Variants in CAMSAP1 observed in about 807,000 individuals in gnomAD.
The protein encoded by CAMSAP1 is calmodulin regulated spectrin associated protein 1.
Under a neutral mutation model 143.5 loss-of-function variants are expected in CAMSAP1, and 58 were observed. That is an observed-to-expected ratio of 0.40 (90% CI 0.33 to 0.50). The LOEUF is 0.50. Among genes scored for constraint, CAMSAP1 ranks in the 20% least tolerant of loss-of-function variants. CAMSAP1 has a pLI of 0.45. For missense variants in CAMSAP1, 1,969 were observed against 2,115.7 expected (o/e 0.93, Z 1.36); for synonymous variants, 945 against 859.3 (o/e 1.10, Z -1.74).
intron 11 of CAMSAP1, among the ~76,000 whole-genome samples, chr9:135,819,845 CAA>C (rs1188572835): frequency 1.1e-4 from 13 of 114,600 alleles, no homozygotes; most frequent in African/African-American, 2.6e-4. Flanking sequence ...AGACTCTGTC[CAA>C]AAAAAAAAAA....
At chr9:135,856,179 G>A (rs1345665709) in intron 5 of CAMSAP1, among the ~76,000 whole-genome samples, 2 of 152,192 alleles carry the variant, frequency 1.3e-5, no homozygotes, top group African/African-American at 4.8e-5. Flanking sequence ...ACCTGAGACT[G>A]GGCAATTTAC....
chr9:135,814,363 A>T (rs994083901), intron 16 of CAMSAP1, among the ~76,000 whole-genome samples: 1 of 152,214 alleles, frequency 6.6e-6, no homozygotes, highest in African/African-American at 2.4e-5. Context: ...ATTGTTGCAT[A>T]ATTTTCATTC....
At chr9:135,870,338 T>C (rs1837528571) in intron 3 of CAMSAP1, among the ~76,000 whole-genome samples, 1 of 152,192 alleles carries the variant, frequency 6.6e-6, no homozygotes, top group Admixed American at 6.6e-5. Context: ...ATGTAAGACG[T>C]GCCTCTTCCC....
At chr9:135,864,229 A>G (rs1837296242) in intron 4 of CAMSAP1, among the ~76,000 whole-genome samples, 2 of 152,264 alleles carry the variant, frequency 1.3e-5, no homozygotes, top group Admixed American at 1.3e-4. Context: ...CCTGCAGGAC[A>G]GACGAAGTCT....
chr9:135,815,914 G>A lies in CAMSAP1; in HGVS notation c.4363C>T (p.Leu1455=), dbSNP rs1369555965. Residue 1455 remains leucine, a synonymous_variant, in exon 15 of 17, where the codon CTG becomes TTG. Coordinates refer to ENST00000389532, the MANE Select transcript of CAMSAP1 (RefSeq NM_015447.4). ...DWETASAASS[L]ASVAEYTGPK... is the part of the protein sequence containing the mutation. ...CCTGTGTACTCGGCCACTGAGGCCA[G>A]GGAAGATGCCGCCGACGCGGTCTCC... 1.9e-6 allele frequency: 3 copies of A among 1,613,790 alleles called. No homozygotes were observed. The highest frequency in any genetic ancestry group is 8.5e-7 in the Non-Finnish European group (1 of 1,179,902).
At position 135,907,128 on chromosome 9, in the gene CAMSAP1, TCGG is replaced by T; in HGVS notation, c.29_31del (p.Ala10del). 2.7e-6 allele frequency: 3 copies of T among 1,118,268 alleles called. No individual in the cohort carries two copies. Among genetic ancestry groups the T allele is most frequent in the Non-Finnish European group, 3.3e-6 (3 of 912,598 alleles). The allele number at this position is 1,118,268 out of a possible 1,614,324, so 69.3% of individuals were successfully genotyped here. ...CGGGGCCTCCATCTTCCTCCAGCCC[TCGG>T]CGGCGGCGCGGCCGCTCGCGTCCAC... On this transcript the variant is annotated inframe_deletion, in exon 1 of 17. Coordinates refer to ENST00000389532, the MANE Select transcript of CAMSAP1 (RefSeq NM_015447.4).
Position 135,882,887 on chromosome 9 carries a change from C to G in CAMSAP1, c.352G>C (p.Gly118Arg), listed in dbSNP as rs1271911952. 1 of 1,551,652 alleles carries G rather than the reference C, an allele frequency of 6.4e-7. No individual in the cohort carries two copies. Among genetic ancestry groups the G allele is most frequent in the South Asian group, 1.2e-5 (1 of 84,054 alleles). Residue 118 changes from glycine (G) to arginine (R), a missense_variant, in exon 2 of 17, where the codon GGG becomes CGG. Around this residue, in one of 4 missense-constraint regions of CAMSAP1, gnomAD observed 215 missense variants for 196.2 expected, o/e 1.10. Coordinates refer to ENST00000389532, the MANE Select transcript of CAMSAP1 (RefSeq NM_015447.4). The surrounding 1 kb of genome is among the most constrained non-coding windows in gnomAD (Gnocchi z 4.9). ...TCATCACTCTCCATCACATAGATCC[C>G]TTTCCGGGACAGGGCCTGGATGACA... The part of the protein sequence containing the change: ...QSVIQALSRK[G>R]IYVMESDDTP...
intron 3 of CAMSAP1, among the ~76,000 whole-genome samples, chr9:135,878,841 C>A (rs1253626391): frequency 6.6e-6 from 1 of 151,998 alleles, no homozygotes; most frequent in African/African-American, 2.4e-5. Context: ...AAACCACTAA[C>A]GTAAGGAACT....
At position 135,822,733 on chromosome 9, in the gene CAMSAP1, C is replaced by T; in HGVS notation, c.1928G>A (p.Ser643Asn). 1 of 1,612,690 alleles carries T rather than the reference C, an allele frequency of 6.2e-7. No individual in the cohort carries two copies. Among genetic ancestry groups the T allele is most frequent in the Non-Finnish European group, 8.5e-7 (1 of 1,179,224 alleles). ...QPLVRRKMTG[S>N]RDLNRTFTPI... is the part of the protein sequence containing the mutation. ...GGTAAAAGTCCTATTCAAGTCGCGA[C>T]TGCCAGTCATTTTCCTTCGTACCAA... The change falls in exon 11 of 17, where the codon AGT becomes AAT. Residue 643 changes from serine to asparagine, a missense_variant. Ser to Asn is a conservative substitution (Grantham distance 46). Coordinates refer to ENST00000389532, the MANE Select transcript of CAMSAP1 (RefSeq NM_015447.4). The surrounding 1 kb of genome is among the most constrained non-coding windows in gnomAD (Gnocchi z 6.1).
intron 7 of CAMSAP1, chr9:135,836,445 C>A (rs1564429918): frequency 1.0e-6 from 1 of 984,714 alleles, no homozygotes; most frequent in Non-Finnish European, 1.2e-6. Flanking sequence ...CACTTTCTAC[C>A]CTGTTCTACA....
At chr9:135,898,561 C>T (rs1210590107) in intron 1 of CAMSAP1, among the ~76,000 whole-genome samples, 1 of 151,966 alleles carries the variant, frequency 6.6e-6, no homozygotes, top group African/African-American at 2.4e-5. Context: ...TTTACATTAG[C>T]CAAGGATTTT....
chr9:135,812,516 G>A (rs140688290), intron 16 of CAMSAP1, among the ~76,000 whole-genome samples: 1 of 151,846 alleles, frequency 6.6e-6, no homozygotes, highest in African/African-American at 2.4e-5. Flanking sequence ...GAAGACTTAG[G>A]GGGGTGACTG....
At chr9:135,843,451 C>T (rs962254536) in intron 7 of CAMSAP1, among the ~76,000 whole-genome samples, 3 of 152,056 alleles carry the variant, frequency 2.0e-5, no homozygotes, top group African/African-American at 7.3e-5. Flanking sequence ...GGAACATTTA[C>T]CAAGCAAATG....
intron 3 of CAMSAP1, among the ~76,000 whole-genome samples, chr9:135,866,750 C>T (rs762407076): frequency 6.6e-6 from 1 of 152,174 alleles, no homozygotes; most frequent in Non-Finnish European, 1.5e-5. Context: ...CACCTGCCCC[C>T]GACCCCCACC....
At chr9:135,856,539 A>G (rs1263419760) in intron 5 of CAMSAP1, among the ~76,000 whole-genome samples, 2 of 152,142 alleles carry the variant, frequency 1.3e-5, no homozygotes, top group African/African-American at 4.8e-5. Context: ...GTAAGAGAAC[A>G]CGCAGCCCCA....
chr9:135,859,805 T>C (rs976014190), intron 5 of CAMSAP1, among the ~76,000 whole-genome samples: 2 of 152,170 alleles, frequency 1.3e-5, no homozygotes, highest in Admixed American at 6.5e-5. Context: ...GCAATGACCC[T>C]GTATCCTTAG....
At chr9:135,837,600 G>A (rs1473997543) in intron 7 of CAMSAP1, among the ~76,000 whole-genome samples, 1 of 138,922 alleles carries the variant, frequency 7.2e-6, no homozygotes, top group Non-Finnish European at 1.5e-5. Context: ...CATGTCATCC[G>A]CACTTTCTGC....
chr9:135,894,270 C>A lies in CAMSAP1; in HGVS notation c.161-11192G>T, dbSNP rs550648044. ...CACCAAGGGAATCCAGCAAGTGGGA[C>A]CACCATCACCAGCACCTGGCCTAGG... On this transcript the variant is annotated intron_variant, in intron 1 of 16. Coordinates refer to ENST00000389532, the MANE Select transcript of CAMSAP1 (RefSeq NM_015447.4). Among the ~76,000 whole-genome samples the A allele has an allele frequency of 1.7e-3, 263 of 152,292 alleles. 2 individuals are homozygous for A. Among genetic ancestry groups the A allele is most frequent in the African/African-American group, 6.1e-3 (253 of 41,578 alleles).
chr9:135,890,107 T>A (rs1008470343), intron 1 of CAMSAP1, among the ~76,000 whole-genome samples: 3 of 152,070 alleles, frequency 2.0e-5, no homozygotes, highest in Non-Finnish European at 4.4e-5. Context: ...TAAGCCCCCG[T>A]GGCAGACACA....
Sources: allele counts gnomAD v4.1 joint callset (sites outside exome capture counted in the v4.1 genomes callset), GRCh38; gene constraint gnomAD v4.1.1; regional missense constraint gnomAD v4.1.1; non-coding constraint Gnocchi (gnomAD v3.1); transcripts MANE v1.5; gene names NCBI Gene and HGNC (gene_info 2026-07-23, HGNC 2026-07-21).